JAK1: variants seen among roughly 807,000 people sequenced by gnomAD.
The protein encoded by JAK1 is tyrosine-protein kinase JAK1.
JAK1 carries 16 observed loss-of-function variants against 136.6 expected under a neutral mutation model. The ratio of observed to expected loss-of-function variants is 0.12; its 90% CI spans 0.08 to 0.18. The LOEUF (loss-of-function observed/expected upper bound fraction) is 0.18, where lower values mean the gene tolerates loss of function less well. Ranked by LOEUF, JAK1 falls within the 10% of genes least tolerant of loss-of-function variation. The pLI, the probability that JAK1 is intolerant of heterozygous loss-of-function variation, is 1.00. For synonymous variants in JAK1, 492 were observed against 519.5 expected (o/e 0.95, Z 0.72); for missense variants, 859 against 1,450.1 (o/e 0.59, Z 6.62).
chr1:64,845,735 C>T lies in JAK1; in HGVS notation c.1988-95G>A, dbSNP rs34599518. 5.1e-5 allele frequency: 76 copies of T among 1,483,164 alleles called. No homozygotes were observed. The African/African-American group carries it at 6.8e-4, about 13-fold the overall frequency. The allele number at this position is 1,483,164 out of a possible 1,614,324, so 91.9% of individuals were successfully genotyped here. A position where few individuals can be genotyped will look rare whatever the true frequency, so the allele number is the denominator to read the frequency against. On this transcript the variant is annotated intron_variant, in intron 14 of 24. Coordinates refer to ENST00000342505, the MANE Select transcript of JAK1 (RefSeq NM_002227.4). ...ACAGTCCACTTCAGTGGACACTACT[C>T]GGCCTCAGAGTACACAGATATCCTT...
In JAK1 at chr1:64,847,771, G is replaced by A. The variant is rs1165234206; in HGVS notation, c.1756-96C>T. On this transcript the variant is annotated intron_variant, in intron 12 of 24. Transcript: ENST00000342505. ...CTCAATGGGAACATGGACTATCAAT[G>A]GGATGGGGCAAAGGCAAGAGGGCTC... The A allele has an allele frequency of 3.6e-6, 5 of 1,394,510 alleles. No homozygotes were observed. In the African/African-American group the frequency reaches 4.3e-5, roughly 12 times the overall value. The allele number at this position is 1,394,510 out of a possible 1,614,324, so 86.4% of individuals were successfully genotyped here.
In JAK1 at chr1:64,886,213, T is replaced by C. The variant is rs17127123; in HGVS notation, c.6+46A>G. Reference sequence around the variant, plus strand: ...AAGAACACGGTTTCATCAATTTTTTTAAAGCCAGATATTTTCCTTTTTTAA... The same window carrying C: ...AAGAACACGGTTTCATCAATTTTTTCAAAGCCAGATATTTTCCTTTTTTAA... On this transcript the variant is annotated intron_variant, in intron 2 of 24. Coordinates refer to ENST00000342505, the MANE Select transcript of JAK1 (RefSeq NM_002227.4). 9.6e-3 allele frequency: 12,459 copies of C among 1,298,932 alleles called. 345 individuals are homozygous for C. The highest frequency in any genetic ancestry group is 0.096 in the Admixed American group (5,135 of 53,700). 80.5% of individuals were successfully genotyped at this position (1,298,932 alleles called of 1,614,324 possible).
Position 64,841,296 on chromosome 1 carries a change from G to A in JAK1, c.2598C>T (p.Asp866=), listed in dbSNP as rs2100974811. 1 of 1,614,108 alleles carries A rather than the reference G, an allele frequency of 6.2e-7. No homozygotes were observed. The highest frequency in any genetic ancestry group is 1.3e-5 in the African/African-American group (1 of 75,026). Residue 866 remains aspartate (D), a synonymous_variant, in exon 19 of 25, where the codon GAC becomes GAT. Transcript: ENST00000342505. ...VSEKKPATEV[D]PTHFEKRFLK... ...GGAAGCGCTTTTCAAAATGTGTGGG[G>A]TCCACTTCAGTTGCTGGTTTTTTTT...
chr1:64,860,419 CATTTATTT>C (rs3051564), intron 8 of JAK1, among the ~76,000 whole-genome samples, 157 bp from the exon 9 acceptor site: 1,770 of 73,818 alleles, frequency 0.024, 17 homozygotes, highest in Non-Finnish European at 0.028. Context: ...CCCTTGCATG[CATTTATTT>C]ATTTATTTAT....
chr1:64,863,616 T>C (rs1384632237), intron 8 of JAK1, among the ~76,000 whole-genome samples: 1 of 152,228 alleles, frequency 6.6e-6, no homozygotes, highest in African/African-American at 2.4e-5. Flanking sequence ...TTAATATTTA[T>C]TTTTCTAAGA....
At chr1:65,036,655 A>C (rs1647077476) in intron 2 of JAK1, among the ~76,000 whole-genome samples, 1 of 150,376 alleles carries the variant, frequency 6.6e-6, no homozygotes, top group South Asian at 2.1e-4. Flanking sequence ...GTGAGTTCTA[A>C]TTATTCTACA....
chr1:64,946,823 C>A (rs1039396114), intron 1 of JAK1, among the ~76,000 whole-genome samples: 1 of 152,144 alleles, frequency 6.6e-6, no homozygotes. Context: ...AAGCATCCAA[C>A]AACATAGATG....
In JAK1 at chr1:64,835,474, G is replaced by A; in HGVS notation, c.3291C>T (p.Gly1097=). 1.2e-6 allele frequency: 2 copies of A among 1,604,068 alleles called. No individual in the cohort carries two copies. Among genetic ancestry groups the A allele is most frequent in the African/African-American group, 2.7e-5 (2 of 74,240 alleles). The change falls in exon 24 of 25, where the codon GGC becomes GGT. Residue 1097 remains glycine, a synonymous_variant. Coordinates refer to ENST00000342505, the MANE Select transcript of JAK1 (RefSeq NM_002227.4). ...TCACAAGTCTTGTGACTGTCATCTG[G>A]CCATGGGTTGGGCCTATCATTTTCA... The part of the protein sequence containing the change: ...LFLKMIGPTH[G]QMTVTRLVNT...
chr1:64,897,235 G>C (rs1263842245), intron 1 of JAK1, among the ~76,000 whole-genome samples: 2 of 151,586 alleles, frequency 1.3e-5, no homozygotes, highest in African/African-American at 4.9e-5. Context: ...TTTGAGACCA[G>C]CCTGGCCAAC....
At chr1:64,968,931 C>CAA (rs10708307), upstream of JAK1, among the ~76,000 whole-genome samples, 42 of 63,990 alleles carry the variant, frequency 6.6e-4, no homozygotes, top group African/African-American at 1.3e-3. Flanking sequence ...GACTCCCTCT[C>CAA]AAAAAAAAAA....
In JAK1 at chr1:64,984,107, T is replaced by G. The variant is rs1313140115; in HGVS notation, c.-78+60373A>C. ...TTTTCATTATTTGGCAAAATTACAC[T>G]TAAAACATAATATTTATGTAATTAA... On this transcript the variant is annotated intron_variant, in intron 2 of 25. Transcript: ENST00000671954. This position sits in a 1 kb window ranked among gnomAD's most constrained non-coding sequence, Gnocchi z 4.1. 1.3e-5 allele frequency among the ~76,000 whole-genome samples: 2 copies of G among 152,218 alleles called. No homozygotes were observed. Among genetic ancestry groups the G allele is most frequent in the Non-Finnish European group, 2.9e-5 (2 of 68,034 alleles).
At chr1:65,020,027 A>C (rs1569890893) in intron 2 of JAK1, among the ~76,000 whole-genome samples, 1 of 151,998 alleles carries the variant, frequency 6.6e-6, no homozygotes, top group Non-Finnish European at 1.5e-5. Flanking sequence ...GAAGTTCAAG[A>C]CCAGCCTGGC....
chr1:64,904,290 G>A (rs1242915109), intron 1 of JAK1, among the ~76,000 whole-genome samples: 2 of 152,186 alleles, frequency 1.3e-5, no homozygotes, highest in Non-Finnish European at 2.9e-5. Flanking sequence ...CATTCAATTT[G>A]AAGGTAAGAA....
chr1:65,027,569 G>A (rs1646988687), intron 2 of JAK1, among the ~76,000 whole-genome samples: 1 of 152,180 alleles, frequency 6.6e-6, no homozygotes, highest in Admixed American at 6.5e-5. Context: ...AACTGTGAAA[G>A]GCAAAAGGAA....
intron 2 of JAK1, among the ~76,000 whole-genome samples, chr1:65,041,255 G>A (rs1647130197): frequency 6.6e-6 from 1 of 152,172 alleles, no homozygotes; most frequent in Non-Finnish European, 1.5e-5. Context: ...GTTGAAGGGG[G>A]AAGGGCTCAT....
chr1:64,919,840 A>C (rs935158305), intron 1 of JAK1, among the ~76,000 whole-genome samples: 1 of 152,062 alleles, frequency 6.6e-6, no homozygotes, highest in Non-Finnish European at 1.5e-5. Flanking sequence ...TAATGGTCCT[A>C]AGTCAAATGG....
intron 1 of JAK1, among the ~76,000 whole-genome samples, chr1:64,888,115 C>T (rs1314152938): frequency 6.6e-6 from 1 of 152,224 alleles, no homozygotes; most frequent in Non-Finnish European, 1.5e-5. Flanking sequence ...CCACCAGGCC[C>T]AGGCTCCATT....
intron 1 of JAK1, among the ~76,000 whole-genome samples, chr1:64,913,655 A>AGAAGGGAGGAAG (rs1645328697): frequency 2.9e-5 from 1 of 34,448 alleles, no homozygotes; most frequent in Non-Finnish European, 4.9e-5. Flanking sequence ...AAGGAAGGAA[A>AGAAGGGAGGAAG]GAAGGAAGGA....
intron 1 of JAK1, among the ~76,000 whole-genome samples, chr1:65,053,015 G>A (rs1647354463): frequency 7.6e-6 from 1 of 131,964 alleles, no homozygotes; most frequent in Non-Finnish European, 1.5e-5. Flanking sequence ...TGGTGACAGA[G>A]CAAGACTCTT....
Sources: gnomAD v4.1 joint callset for allele counts (sites outside exome capture counted in the v4.1 genomes callset) on GRCh38, gnomAD v4.1.1 for gene constraint, Gnocchi (gnomAD v3.1) non-coding constraint, MANE v1.5 for transcripts, NCBI Gene and HGNC (gene_info 2026-07-23, HGNC 2026-07-21) for gene names.